LEKR1: variants seen among roughly 807,000 people sequenced by gnomAD.
LEKR1 encodes the protein protein LEKR1.
Under a neutral mutation model 72.4 loss-of-function variants are expected in LEKR1, and 59 were observed. The observed-to-expected ratio is 0.82, with a 90% CI of 0.66 to 1.01. The LOEUF (loss-of-function observed/expected upper bound fraction) is 1.01. Ranked by LOEUF, LEKR1 falls within the 50% of genes least tolerant of loss-of-function variation. LEKR1 has a pLI of 0.00. For synonymous variants in LEKR1, 257 were observed against 263.2 expected (o/e 0.98, Z 0.23); for missense variants, 728 against 759.2 (o/e 0.96, Z 0.48).
intron 9 of LEKR1, among the ~76,000 whole-genome samples, chr3:157,003,652 A>G (rs1732189672): frequency 6.6e-6 from 1 of 152,160 alleles, no homozygotes; most frequent in Non-Finnish European, 1.5e-5. Context: ...AATTCAAAAT[A>G]ATCTCCTCAC....
intron 10 of LEKR1, among the ~76,000 whole-genome samples, chr3:157,016,268 C>T (rs1733325025): frequency 6.6e-6 from 1 of 151,942 alleles, no homozygotes; most frequent in Non-Finnish European, 1.5e-5. Context: ...CCCAAGTTCA[C>T]CAAGGGAAAT....
At chr3:156,938,962 G>A (rs1443742098) in intron 5 of LEKR1, among the ~76,000 whole-genome samples, 2 of 152,168 alleles carry the variant, frequency 1.3e-5, no homozygotes, top group African/African-American at 4.8e-5. Context: ...AGTAATAATT[G>A]TACTTGCGTT....
At chr3:156,947,036 G>T (rs749340855) in intron 6 of LEKR1, among the ~76,000 whole-genome samples, 3 of 150,452 alleles carry the variant, frequency 2.0e-5, no homozygotes, top group Non-Finnish European at 4.5e-5. Flanking sequence ...TTGGGTTAAA[G>T]GTTTGTTAAT....
intron 3 of LEKR1, among the ~76,000 whole-genome samples, chr3:156,862,860 T>C (rs1716920020): frequency 6.6e-6 from 1 of 152,132 alleles, no homozygotes; most frequent in South Asian, 2.1e-4. Flanking sequence ...AAAGCATAAC[T>C]GTAGAACTTA....
chr3:156,864,416 A>G (rs1376074898), intron 3 of LEKR1, among the ~76,000 whole-genome samples: 2 of 151,960 alleles, frequency 1.3e-5, no homozygotes, highest in East Asian at 1.9e-4. Flanking sequence ...TGGTATTTTC[A>G]TCTTTTCTTT....
At chr3:157,007,634 C>T (rs1732564792) in intron 9 of LEKR1, among the ~76,000 whole-genome samples, 1 of 152,146 alleles carries the variant, frequency 6.6e-6, no homozygotes, top group African/African-American at 2.4e-5. Flanking sequence ...GTGATATATA[C>T]CAATTCTAAG....
At chr3:157,036,591 A>T (rs1347828905) in intron 12 of LEKR1, among the ~76,000 whole-genome samples, 2 of 152,304 alleles carry the variant, frequency 1.3e-5, no homozygotes, top group Non-Finnish European at 2.9e-5. Context: ...ATGACAGCAC[A>T]ATGATGGAAT....
At chr3:157,009,186 C>T (rs1732702706) in intron 9 of LEKR1, among the ~76,000 whole-genome samples, 2 of 151,990 alleles carry the variant, frequency 1.3e-5, no homozygotes, top group Non-Finnish European at 2.9e-5. Flanking sequence ...TTAGTTGCCA[C>T]ATTAAAGAAT....
intron 3 of LEKR1, among the ~76,000 whole-genome samples, chr3:156,894,080 G>A (rs1002488703): frequency 1.3e-5 from 2 of 152,254 alleles, no homozygotes; most frequent in African/African-American, 4.8e-5. Context: ...CTGAAACAGT[G>A]TGTAGGAGAA....
chr3:156,976,390 G>A (rs562866462), intron 6 of LEKR1, among the ~76,000 whole-genome samples: 208 of 152,092 alleles, frequency 1.4e-3, no homozygotes, highest in Middle Eastern at 3.4e-3. Context: ...TCTAGTTTAG[G>A]ATCATATCCT....
intron 6 of LEKR1, among the ~76,000 whole-genome samples, chr3:156,973,189 G>T (rs931129278): frequency 3.9e-5 from 6 of 152,032 alleles, no homozygotes; most frequent in African/African-American, 9.7e-5. Flanking sequence ...TTCTTTCAGT[G>T]ATTATTTTTT....
chr3:156,936,931 C>G (rs1419915533), intron 5 of LEKR1, among the ~76,000 whole-genome samples: 1 of 152,108 alleles, frequency 6.6e-6, no homozygotes, highest in Non-Finnish European at 1.5e-5. Context: ...TAAACTTGAA[C>G]TAAAATCATG....
rs975010604 is a variant in LEKR1, at chr3:157,018,607, G to T, written c.1204-6153G>T. Among the ~76,000 whole-genome samples, 8 of 152,000 alleles carry T rather than the reference G, an allele frequency of 5.3e-5. No homozygotes were observed. The East Asian group carries it at 1.2e-3, about 22-fold the overall frequency. On this transcript the variant is annotated intron_variant, in intron 10 of 12. Transcript: ENST00000356539. ...ACTATGCTGTACAGATGTAGGGGTT[G>T]GGGGGACAGCTTACATGAAAAAAAA...
chr3:156,859,286 T>C (rs1716465650), intron 3 of LEKR1, among the ~76,000 whole-genome samples: 1 of 152,188 alleles, frequency 6.6e-6, no homozygotes, highest in African/African-American at 2.4e-5. Context: ...ATTAAGTTCA[T>C]GGGGGTATAT....
chr3:157,030,848 C>T (rs1357329301), intron 12 of LEKR1, among the ~76,000 whole-genome samples: 1 of 152,134 alleles, frequency 6.6e-6, no homozygotes, highest in Admixed American at 6.6e-5. Context: ...CCCTCAGTTC[C>T]TTGCCACATG....
intron 3 of LEKR1, among the ~76,000 whole-genome samples, chr3:156,899,625 CAT>C (rs1239212421): frequency 1.7e-4 from 15 of 88,566 alleles, no homozygotes; most frequent in Non-Finnish European, 2.0e-4. Context: ...CATATATACA[CAT>C]ATATACACGC....
At chr3:156,882,309 AAAAC>A (rs1235707028) in intron 3 of LEKR1, among the ~76,000 whole-genome samples, 13 of 151,058 alleles carry the variant, frequency 8.6e-5, no homozygotes, top group South Asian at 2.1e-4. Context: ...TTACAAGAAA[AAAAC>A]AAACAACCCC....
At position 156,962,301 on chromosome 3, in the gene LEKR1, G is replaced by A. The variant is rs181546914; in HGVS notation, c.746-16893G>A. ...TATGACCTTGGCTTCAAATAAAAGG[G>A]GAAAGTGCTGATTTTACAAACAGAA... is the stretch of plus-strand genomic sequence containing the variant. On this transcript the variant is annotated intron_variant, in intron 6 of 12. Transcript: ENST00000356539. Among the ~76,000 whole-genome samples, 8 of 152,274 alleles carry A rather than the reference G, an allele frequency of 5.3e-5. No individual in the cohort carries two copies. In the East Asian group the frequency reaches 1.5e-3, roughly 29 times the overall value.
chr3:156,891,026 A>ATT lies in LEKR1; in HGVS notation c.264-29534_264-29533dup, dbSNP rs11407482. On this transcript the variant is annotated intron_variant, in intron 3 of 12. Coordinates refer to ENST00000356539, the MANE Select transcript of LEKR1 (RefSeq NM_001004316.3). ...AGGTGTGCACCACCATGGCCGGCTA[A>ATT]TTTTTTTTTTTTTTTTGTATTTTTA... 9.2e-4 allele frequency among the ~76,000 whole-genome samples: 126 copies of ATT among 137,548 alleles called. 1 individual carries two copies. The highest frequency in any genetic ancestry group is 3.6e-3 in the Middle Eastern group (1 of 276). The allele number at this position is 137,548 out of a possible 152,430, so 90.2% of individuals were successfully genotyped here.
Sources: allele counts gnomAD v4.1 joint callset (sites outside exome capture counted in the v4.1 genomes callset), GRCh38; gene constraint gnomAD v4.1.1; transcripts MANE v1.5; gene names NCBI Gene and HGNC (gene_info 2026-07-23, HGNC 2026-07-21).